Variants in ADAMTS9 observed in about 807,000 individuals in gnomAD.
ADAMTS9 encodes the protein ADAM metallopeptidase with thrombospondin type 1 motif 9, also known as A disintegrin and metalloproteinase with thrombospondin motifs 9.
Under a neutral mutation model 257.1 loss-of-function variants are expected in ADAMTS9, and 107 were observed. That is an observed-to-expected ratio of 0.42 (90% CI 0.36 to 0.49). The LOEUF is 0.49. Ranked by LOEUF, ADAMTS9 falls within the 20% of genes least tolerant of loss-of-function variation. The pLI is 0.03. For missense variants in ADAMTS9, 2,353 were observed against 2,469.1 expected, an observed-to-expected ratio of 0.95 and a Z score of 1.00; for synonymous variants, 982 against 880.9, an observed-to-expected ratio of 1.11 and a Z score of -2.03.
intron 11 of ADAMTS9, among the ~76,000 whole-genome samples, chr3:64,646,373 C>T (rs547500148): frequency 1.3e-5 from 2 of 152,290 alleles, no homozygotes; most frequent in African/African-American, 2.4e-5. Flanking sequence ...TTAATGGCTG[C>T]CATGGATTCT....
At chr3:64,664,757 A>T (rs1385044969) in intron 3 of ADAMTS9, among the ~76,000 whole-genome samples, 1 of 152,182 alleles carries the variant, frequency 6.6e-6, no homozygotes, top group Non-Finnish European at 1.5e-5. Context: ...TTTTGGGTGA[A>T]TATATTTTTG....
intron 4 of ADAMTS9, among the ~76,000 whole-genome samples, chr3:64,656,730 T>C (rs1416160531): frequency 6.6e-6 from 1 of 150,932 alleles, no homozygotes; most frequent in Non-Finnish European, 1.5e-5. Context: ...AGGGCTGGAG[T>C]ATCTGGGACT....
At chr3:64,656,332 A>G (rs1054226160) in intron 4 of ADAMTS9, among the ~76,000 whole-genome samples, 7 of 152,174 alleles carry the variant, frequency 4.6e-5, no homozygotes, top group Non-Finnish European at 1.0e-4. Flanking sequence ...ATAATTAATT[A>G]TAGGAGCTAA....
chr3:64,538,064 G>A lies in ADAMTS9; in HGVS notation c.5613+1139C>T, dbSNP rs75703206. ...GATGATGAATTTGCACTTCTGGTCC[G>A]AACACTGCAGACGTTGTAGAACTGA... On this transcript the variant is annotated intron_variant, in intron 37 of 39. Coordinates refer to ENST00000498707, the MANE Select transcript of ADAMTS9 (RefSeq NM_182920.2). Among the ~76,000 whole-genome samples, 1,087 of 152,294 alleles carry A rather than the reference G, an allele frequency of 7.1e-3. 12 individuals carry two copies. Among genetic ancestry groups the A allele is most frequent in the African/African-American group, 0.023 (939 of 41,558 alleles).
intron 4 of ADAMTS9, among the ~76,000 whole-genome samples, chr3:64,657,171 G>C (rs1461666875): frequency 6.6e-6 from 1 of 152,186 alleles, no homozygotes; most frequent in African/African-American, 2.4e-5. Context: ...ATCACAAGTG[G>C]CTAGTGAGCA....
chr3:64,652,192 AAGTG>A (rs1700948119), intron 8 of ADAMTS9, among the ~76,000 whole-genome samples: 1 of 152,314 alleles, frequency 6.6e-6, no homozygotes, highest in South Asian at 2.1e-4. Flanking sequence ...TTACAGAAAT[AAGTG>A]AGTCAGACAG....
Position 64,568,407 on chromosome 3 carries a change from T to G in ADAMTS9, c.4485A>C (p.Gly1495=). ...AKPHGHRKCR[G]GRCPKWKAGA... is the part of the protein sequence containing the mutation. ...CAGCTTTCCATTTGGGGCATCTTCC[T>G]CCTCGGCACTTTCTGTGCCCATGTG... The change falls in exon 29 of 40, where the codon GGA becomes GGC. Residue 1495 remains glycine (G), a synonymous_variant. Transcript: ENST00000498707. The G allele has an allele frequency of 1.2e-6, 2 of 1,612,408 alleles. No homozygotes were observed. Among genetic ancestry groups the G allele is most frequent in the Non-Finnish European group, 1.7e-6 (2 of 1,179,628 alleles).
Position 64,613,780 on chromosome 3 carries a change from T to C in ADAMTS9, c.3190-271A>G, listed in dbSNP as rs115670448. On this transcript the variant is annotated intron_variant, in intron 21 of 39. Coordinates refer to ENST00000498707, the MANE Select transcript of ADAMTS9 (RefSeq NM_182920.2). The stretch of plus-strand genomic sequence containing the variant: ...AAAATTTGAAAAACAACATTCATAA[T>C]TTTATAGCATAGGAGTTAAGCATGG... Among the ~76,000 whole-genome samples the C allele has an allele frequency of 7.4e-3, 1,134 of 152,266 alleles. 5 individuals carry two copies. The highest frequency in any genetic ancestry group is 0.013 in the Non-Finnish European group (853 of 68,026).
chr3:64,603,089 T>C (rs1249725176), intron 25 of ADAMTS9, among the ~76,000 whole-genome samples: 1 of 152,164 alleles, frequency 6.6e-6, no homozygotes, highest in Non-Finnish European at 1.5e-5. Flanking sequence ...TGCTAAGCAT[T>C]TGACGTACAT....
intron 37 of ADAMTS9, among the ~76,000 whole-genome samples, chr3:64,533,770 A>C (rs1248147449): frequency 6.6e-6 from 1 of 152,202 alleles, no homozygotes; most frequent in Non-Finnish European, 1.5e-5. Context: ...GGGACTTCAA[A>C]GAAGAGGCGC....
At chr3:64,535,994 G>C (rs1392481394) in intron 37 of ADAMTS9, among the ~76,000 whole-genome samples, 1 of 152,138 alleles carries the variant, frequency 6.6e-6, no homozygotes, top group African/African-American at 2.4e-5. Flanking sequence ...TGTCCCACCT[G>C]CACTGCAAGA....
intron 12 of ADAMTS9, among the ~76,000 whole-genome samples, chr3:64,637,759 C>T (rs946588410): frequency 1.3e-5 from 2 of 152,102 alleles, no homozygotes; most frequent in African/African-American, 4.8e-5. Context: ...GCCTGATGGC[C>T]AATTATGAAG....
intron 26 of ADAMTS9, among the ~76,000 whole-genome samples, chr3:64,601,604 C>G (rs2084462997): frequency 2.0e-5 from 3 of 152,076 alleles, no homozygotes; most frequent in African/African-American, 7.3e-5. Flanking sequence ...AGAAAAGTTT[C>G]TCTGTCTTCT....
Position 64,609,323 on chromosome 3 carries a change from G to A in ADAMTS9, c.3355-2244C>T, listed in dbSNP as rs185730183. ...TTAATAAAAGACATGCAAAGAAAGC[G>A]GGAAGGAAGAAGTACAACTAATTCT... is the stretch of plus-strand genomic sequence containing the variant. On this transcript the variant is annotated intron_variant, in intron 22 of 39. Transcript: ENST00000498707. Among the ~76,000 whole-genome samples, 21 of 152,068 alleles carry A rather than the reference G, an allele frequency of 1.4e-4. No individual in the cohort carries two copies. The East Asian group carries it at 1.7e-3, about 13-fold the overall frequency.
Position 64,654,351 on chromosome 3 carries a change from A to T in ADAMTS9, c.1316+2T>A. 1 of 1,609,820 alleles carries T rather than the reference A, an allele frequency of 6.2e-7. No homozygotes were observed. The highest frequency in any genetic ancestry group is 8.5e-7 in the Non-Finnish European group (1 of 1,178,714). On this transcript the variant is annotated splice_donor_variant, in intron 8 of 39. Coordinates refer to ENST00000498707, the MANE Select transcript of ADAMTS9 (RefSeq NM_182920.2). LOFTEE classifies it high-confidence loss of function. ...AAATGAAATTACTGAAAGGTAACTC[A>T]CACATGGCCCAGCTCATGGGCGATC...
At chr3:64,583,515 A>G (rs1403903191) in intron 28 of ADAMTS9, 2 of 152,160 alleles carry the variant, frequency 1.3e-5, no homozygotes, top group Non-Finnish European at 2.9e-5. Context: ...ATTTGGGGTA[A>G]GCCAATTCTT....
intron 16 of ADAMTS9, among the ~76,000 whole-genome samples, chr3:64,624,572 G>A (rs1467040200): frequency 6.6e-6 from 1 of 152,106 alleles, no homozygotes; most frequent in Non-Finnish European, 1.5e-5. Context: ...AGAGCTTATT[G>A]GGAAAGTTAA....
intron 39 of ADAMTS9, among the ~76,000 whole-genome samples, chr3:64,519,911 C>T (rs940141031): frequency 6.6e-6 from 1 of 152,074 alleles, no homozygotes; most frequent in Non-Finnish European, 1.5e-5. Context: ...TCTCACCACT[C>T]CTATTCAACA....
At chr3:64,650,926 T>G in intron 9 of ADAMTS9, 91 bp downstream of exon 9, 2 of 1,261,134 alleles carry the variant, frequency 1.6e-6, no homozygotes, top group African/African-American at 1.6e-5. Flanking sequence ...TCAAAAGGAA[T>G]GTTTGACTTC....
Sources: gnomAD v4.1 joint callset for allele counts (sites outside exome capture counted in the v4.1 genomes callset) on GRCh38, gnomAD v4.1.1 for gene constraint, MANE v1.5 for transcripts, NCBI Gene and HGNC (gene_info 2026-07-23, HGNC 2026-07-21) for gene names.